BRD9: variants seen among roughly 807,000 people sequenced by gnomAD.
BRD9 encodes bromodomain containing 9.
BRD9 carries 47 observed loss-of-function variants against 68.7 expected under a neutral mutation model. That is an observed-to-expected ratio of 0.68 (90% CI 0.54 to 0.87). The LOEUF is 0.87. Among genes scored for constraint, BRD9 ranks in the 40% least tolerant of loss-of-function variants. BRD9 has a pLI of 0.00. For missense variants in BRD9, 670 were observed against 748.4 expected, an observed-to-expected ratio of 0.90 and a Z score of 1.22; for synonymous variants, 313 against 293.9, an observed-to-expected ratio of 1.06 and a Z score of -0.67.
intron 2 of BRD9, 63 bp downstream of exon 2, chr5:891,577 G>T: frequency 6.5e-7 from 1 of 1,527,138 alleles, no homozygotes. Flanking sequence ...CCTGGGTCCT[G>T]GGACCAGGCT....
intron 2 of BRD9, 86 bp downstream of exon 2, chr5:891,554 C>A: frequency 1.3e-6 from 2 of 1,499,936 alleles, no homozygotes; most frequent in South Asian, 1.3e-5. Flanking sequence ...TCCAGCCACG[C>A]AGGCGCACTC....
chr5:870,682 C>A (rs1452688581), intron 13 of BRD9, 107 bp from the exon 14 acceptor site: 10 of 770,784 alleles, frequency 1.3e-5, no homozygotes, highest in Non-Finnish European at 2.2e-5. Context: ...TAAACGTGAA[C>A]CCACCCCTCA....
At chr5:881,280 C>T (rs1751712441) in intron 8 of BRD9, 98 bp from the exon 9 acceptor site, 2 of 1,159,602 alleles carry the variant, frequency 1.7e-6, no homozygotes, top group Non-Finnish European at 2.5e-6. Flanking sequence ...GGGGTGAAAG[C>T]ACATTTGTCC....
At chr5:882,069 G>C (rs1292822074) in intron 8 of BRD9, 1 of 152,676 alleles carries the variant, frequency 6.5e-6, no homozygotes, top group Non-Finnish European at 1.5e-5. Context: ...ACACACAACA[G>C]GCATCTCCCA....
At chr5:876,684 A>C (rs181573628) in intron 11 of BRD9, among the ~76,000 whole-genome samples, 3 of 152,322 alleles carry the variant, frequency 2.0e-5, no homozygotes, top group Admixed American at 2.0e-4. Flanking sequence ...TTAAAAAATA[A>C]AATATAATAC....
At chr5:883,319 G>A (rs1025030843) in intron 8 of BRD9, 1 of 456,746 alleles carries the variant, frequency 2.2e-6, no homozygotes, top group East Asian at 6.9e-5. Flanking sequence ...TGGATATAGA[G>A]GTGAAATGAA....
At chr5:892,506 G>A in intron 1 of BRD9, 100 bp downstream of exon 1, 3 of 1,483,412 alleles carry the variant, frequency 2.0e-6, no homozygotes, top group Non-Finnish European at 2.7e-6. Context: ...TCGTGGCCAG[G>A]ACCTCGCCCG....
intron 14 of BRD9, chr5:866,501 G>C (rs1271605518): frequency 1.3e-5 from 2 of 152,290 alleles, no homozygotes; most frequent in African/African-American, 2.4e-5. Flanking sequence ...GAAGATGAGG[G>C]AAAGTTTGGA....
At chr5:873,080 G>A (rs1313812287) in intron 12 of BRD9, among the ~76,000 whole-genome samples, 6 of 152,136 alleles carry the variant, frequency 3.9e-5, no homozygotes, top group East Asian at 1.9e-4. Context: ...CAGGAGAATC[G>A]CTAGAATCAG....
intron 14 of BRD9, chr5:869,387 G>C (rs764485582): frequency 1.1e-5 from 5 of 455,148 alleles, no homozygotes; most frequent in South Asian, 7.8e-5. Flanking sequence ...CGTGATAGAT[G>C]GCAGGCCCTG....
chr5:874,484 T>C (rs932253978), intron 12 of BRD9, among the ~76,000 whole-genome samples: 1 of 152,254 alleles, frequency 6.6e-6, no homozygotes, highest in Non-Finnish European at 1.5e-5. Context: ...CCAGCGGCCA[T>C]GTGGCCAGTG....
At chr5:877,339 C>T (rs1359534028) in intron 11 of BRD9, among the ~76,000 whole-genome samples, 2 of 152,232 alleles carry the variant, frequency 1.3e-5, no homozygotes. Context: ...ACTTATGACC[C>T]CATCGTCTCC....
At chr5:883,561 A>C (rs568208913) in intron 8 of BRD9, 1 of 390,148 alleles carries the variant, frequency 2.6e-6, no homozygotes, top group Non-Finnish European at 5.0e-6. Context: ...CATCTGTCGG[A>C]TCCAACACCA....
At chr5:873,505 C>T (rs553421475) in intron 12 of BRD9, among the ~76,000 whole-genome samples, 1 of 152,276 alleles carries the variant, frequency 6.6e-6, no homozygotes, top group African/African-American at 2.4e-5. Context: ...TTGCAGATAC[C>T]GCCCTTCTAG....
At chr5:892,495 C>A (rs1753605555) in intron 1 of BRD9, 111 bp downstream of exon 1, 2 of 1,471,378 alleles carry the variant, frequency 1.4e-6, no homozygotes, top group Non-Finnish European at 1.8e-6. Context: ...GAACCCCTCC[C>A]TCGTGGCCAG....
In BRD9 at chr5:864,530, C is replaced by CACGACTGCTAT; in HGVS notation, c.1731_1732insATAGCAGTCGT (p.Val578IlefsTer44). ...AGAAACTCATAGGGGTCGTGGGTGACGTCTGGCTGCTCCCCGACACTCAGG... is the reference window on the plus strand; with the variant it reads ...AGAAACTCATAGGGGTCGTGGGTGACACGACTGCTATGTCTGGCTGCTCCCCGACACTCAGG... On this transcript the variant is annotated frameshift_variant, in exon 16 of 16. Coordinates refer to ENST00000467963, the MANE Select transcript of BRD9 (RefSeq NM_023924.5). LOFTEE classifies it high-confidence loss of function. The CACGACTGCTAT allele has an allele frequency of 6.2e-7, 1 of 1,614,020 alleles. No individual in the cohort carries two copies. Among genetic ancestry groups the CACGACTGCTAT allele is most frequent in the Non-Finnish European group, 8.5e-7 (1 of 1,179,938 alleles).
At chr5:875,050 C>A (rs1185492624) in intron 12 of BRD9, among the ~76,000 whole-genome samples, 2 of 152,182 alleles carry the variant, frequency 1.3e-5, no homozygotes, top group Non-Finnish European at 2.9e-5. Context: ...GAAAAGCCCA[C>A]CAAGGCACCT....
intron 12 of BRD9, 26 bp downstream of exon 12, chr5:876,075 C>T (rs1467728999): frequency 6.4e-7 from 1 of 1,560,638 alleles, no homozygotes; most frequent in African/African-American, 1.4e-5. Flanking sequence ...CACCTGCCCC[C>T]CAACCCCGGT....
chr5:874,924 G>T (rs146886927), intron 12 of BRD9, among the ~76,000 whole-genome samples: 1 of 152,210 alleles, frequency 6.6e-6, no homozygotes, highest in Non-Finnish European at 1.5e-5. Flanking sequence ...CAGTCCAGCA[G>T]GAGGAGGAAG....
Sources: gnomAD v4.1 joint callset for allele counts (sites outside exome capture counted in the v4.1 genomes callset) on GRCh38, gnomAD v4.1.1 for gene constraint, MANE v1.5 for transcripts, NCBI Gene and HGNC (gene_info 2026-07-23, HGNC 2026-07-21) for gene names.